Variants in FTO observed in about 807,000 individuals in gnomAD.
FTO encodes the protein FTO alpha-ketoglutarate dependent dioxygenase.
In FTO, 47 loss-of-function variants were observed where a neutral mutation model predicts 63.9. The ratio of observed to expected loss-of-function variants is 0.74; its 90% confidence interval spans 0.58 to 0.94. The LOEUF is 0.94. Among genes scored for constraint, FTO ranks in the 40% least tolerant of loss-of-function variants. The pLI is 0.00. For synonymous variants in FTO, 207 were observed against 224.4 expected (o/e 0.92, Z 0.69); for missense variants, 562 against 618.1 (o/e 0.91, Z 0.96).
chr16:53,717,787 T>C (rs1482473172), intron 1 of FTO, among the ~76,000 whole-genome samples: 1 of 152,136 alleles, frequency 6.6e-6, no homozygotes, highest in Admixed American at 6.6e-5. Flanking sequence ...CAGATATCGC[T>C]GCCTGCATTT....
intron 8 of FTO, among the ~76,000 whole-genome samples, chr16:54,010,857 A>G (rs1332595636): frequency 6.6e-6 from 1 of 152,216 alleles, no homozygotes; most frequent in Non-Finnish European, 1.5e-5. Context: ...CAGCTGGTCT[A>G]TCTTCAATCT....
intron 4 of FTO, among the ~76,000 whole-genome samples, chr16:53,852,284 A>AG (rs2079832626): frequency 6.6e-6 from 1 of 152,080 alleles, no homozygotes; most frequent in African/African-American, 2.4e-5. Flanking sequence ...TCAAAAAAAA[A>AG]GAAAAGAAAA....
chr16:54,100,382 T>C (rs1245676721), intron 8 of FTO, among the ~76,000 whole-genome samples: 2 of 152,204 alleles, frequency 1.3e-5, no homozygotes, highest in African/African-American at 4.8e-5. Context: ...AGACAGGGTC[T>C]TGCTCTGCCA....
chr16:54,079,847 G>A (rs1212750798), intron 8 of FTO, among the ~76,000 whole-genome samples: 1 of 152,080 alleles, frequency 6.6e-6, no homozygotes. Flanking sequence ...CAAAAATCTG[G>A]ACTTTTTATT....
intron 1 of FTO, among the ~76,000 whole-genome samples, chr16:53,720,305 T>C (rs2076006216): frequency 6.6e-6 from 1 of 152,242 alleles, no homozygotes; most frequent in East Asian, 1.9e-4. Flanking sequence ...ATCTGAGATG[T>C]CATCAATAAG....
chr16:53,761,424 G>T (rs1315439318), intron 1 of FTO, among the ~76,000 whole-genome samples: 1 of 152,076 alleles, frequency 6.6e-6, no homozygotes, highest in Non-Finnish European at 1.5e-5. Flanking sequence ...TTCTTTACAG[G>T]CGTTCCAGTG....
intron 1 of FTO, among the ~76,000 whole-genome samples, chr16:53,738,356 G>A (rs1251419262): frequency 6.6e-6 from 1 of 152,128 alleles, no homozygotes; most frequent in Non-Finnish European, 1.5e-5. Flanking sequence ...TGCCTAGGCT[G>A]TTCTTGAACT....
intron 7 of FTO, among the ~76,000 whole-genome samples, chr16:53,905,497 C>T: frequency 6.6e-6 from 1 of 152,166 alleles, no homozygotes; most frequent in East Asian, 1.9e-4. Flanking sequence ...TCCCGCCATC[C>T]TGCTAATTTG....
At chr16:53,804,314 G>A (rs1371459583) in intron 1 of FTO, among the ~76,000 whole-genome samples, 1 of 152,154 alleles carries the variant, frequency 6.6e-6, no homozygotes, top group African/African-American at 2.4e-5. Context: ...GCACTAATAT[G>A]TATGAATAAT....
intron 3 of FTO, 24 bp from the exon 4 acceptor site, chr16:53,844,131 G>A: frequency 6.2e-7 from 1 of 1,605,754 alleles, no homozygotes; most frequent in Non-Finnish European, 8.5e-7. Flanking sequence ...TTTCCTTTCT[G>A]ATCATTTTCT....
chr16:53,747,570 T>C (rs1248551849), intron 1 of FTO, among the ~76,000 whole-genome samples: 1 of 152,180 alleles, frequency 6.6e-6, no homozygotes, highest in Non-Finnish European at 1.5e-5. Flanking sequence ...AGTTTAGATA[T>C]TAATCAGATG....
At chr16:54,029,948 C>T (rs2084792221) in intron 8 of FTO, among the ~76,000 whole-genome samples, 1 of 152,182 alleles carries the variant, frequency 6.6e-6, no homozygotes, top group Non-Finnish European at 1.5e-5. Context: ...ATTTTTAACT[C>T]ATGCAGTAAA....
intron 8 of FTO, among the ~76,000 whole-genome samples, chr16:54,027,097 A>G (rs897694962): frequency 7.2e-5 from 11 of 152,172 alleles, no homozygotes; most frequent in African/African-American, 2.7e-4. Context: ...GAGAGAGAAG[A>G]GAGAAGTCAC....
intron 1 of FTO, among the ~76,000 whole-genome samples, chr16:53,763,162 G>A (rs1355526195): frequency 6.6e-6 from 1 of 152,172 alleles, no homozygotes; most frequent in African/African-American, 2.4e-5. Context: ...TAGATAGAGA[G>A]TGTCTAATAT....
At chr16:53,722,234 A>T (rs576590298) in intron 1 of FTO, among the ~76,000 whole-genome samples, 1 of 152,284 alleles carries the variant, frequency 6.6e-6, no homozygotes, top group Non-Finnish European at 1.5e-5. Context: ...ACGTTAGGTC[A>T]TATTAAATTT....
chr16:53,767,098 A>G (rs2077224644), intron 1 of FTO, among the ~76,000 whole-genome samples: 1 of 152,180 alleles, frequency 6.6e-6, no homozygotes, highest in South Asian at 2.1e-4. Flanking sequence ...CTGCAGCTAC[A>G]GGGCATCTCC....
chr16:53,756,667 G>A (rs889552667), intron 1 of FTO, among the ~76,000 whole-genome samples: 6 of 152,230 alleles, frequency 3.9e-5, no homozygotes, highest in Non-Finnish European at 7.3e-5. Context: ...AAAAGCAGCT[G>A]TTTGGTTCAC....
intron 5 of FTO, among the ~76,000 whole-genome samples, chr16:53,876,686 G>A (rs935901218): frequency 6.6e-6 from 1 of 152,186 alleles, no homozygotes; most frequent in African/African-American, 2.4e-5. Flanking sequence ...CAGCACTTTA[G>A]GAGGCCGAGG....
At chr16:53,841,306 G>GT (rs1345278573) in intron 3 of FTO, among the ~76,000 whole-genome samples, 1 of 151,268 alleles carries the variant, frequency 6.6e-6, no homozygotes, top group African/African-American at 2.4e-5. Context: ...TATAAAAAAT[G>GT]TTTTTTTAAT....
Sources: allele counts gnomAD v4.1 joint callset (sites outside exome capture counted in the v4.1 genomes callset), GRCh38; gene constraint gnomAD v4.1.1; transcripts MANE v1.5; gene names NCBI Gene and HGNC (gene_info 2026-07-23, HGNC 2026-07-21).